Variants in KIAA1549L observed in about 807,000 individuals in gnomAD.
KIAA1549L encodes UPF0606 protein KIAA1549L.
Under a neutral mutation model 160.7 loss-of-function variants are expected in KIAA1549L, and 88 were observed. The ratio of observed to expected loss-of-function variants is 0.55; its 90% CI spans 0.46 to 0.65. The LOEUF (loss-of-function observed/expected upper bound fraction) is 0.65. KIAA1549L is among the 30% of genes least tolerant of loss of function. KIAA1549L has a pLI of 0.00. For missense variants in KIAA1549L, 2,258 were observed against 2,437.5 expected (o/e 0.93, Z 1.55); for synonymous variants, 950 against 976.7 (o/e 0.97, Z 0.51).
intron 1 of KIAA1549L, chr11:33,403,332 C>G (rs1406071090): frequency 5.8e-5 from 6 of 103,064 alleles, no homozygotes; most frequent in East Asian, 3.0e-4. Context: ...CACGGACACA[C>G]ACATGCAGAC....
In KIAA1549L at chr11:33,586,946, AG is replaced by A. The variant is rs369363167; in HGVS notation, c.4566+3448del. The stretch of plus-strand genomic sequence containing the variant: ...AATGAGGCTGAAACTGAGCCCCTTG[AG>A]GGTGAGGAACCAGTTATTTAACTTT... On this transcript the variant is annotated intron_variant, in intron 11 of 20. Coordinates refer to ENST00000658780, the MANE Select transcript of KIAA1549L (RefSeq NM_012194.3). Among the ~76,000 whole-genome samples the A allele has an allele frequency of 4.7e-3, 720 of 152,348 alleles. 3 individuals are homozygous for A. Among genetic ancestry groups the A allele is most frequent in the Middle Eastern group, 0.01 (3 of 294 alleles).
chr11:33,543,404 C>G lies in KIAA1549L; in HGVS notation c.1841C>G (p.Ala614Gly). Residue 614 changes from alanine (A) to glycine (G), a missense_variant, in exon 2 of 21, where the codon GCA becomes GGA. Coordinates refer to ENST00000658780, the MANE Select transcript of KIAA1549L (RefSeq NM_012194.3). ...AGTGTCTCATCTCCCATCATTACAG[C>G]ACCAAGGACGAATCCCCTTCCTTCA... ...TGSVSSPIIT[A>G]PRTNPLPSGP... 1 of 1,614,042 alleles carries G rather than the reference C, an allele frequency of 6.2e-7. No individual in the cohort carries two copies. The highest frequency in any genetic ancestry group is 8.5e-7 in the Non-Finnish European group (1 of 1,179,892).
At position 33,630,315 on chromosome 11, in the gene KIAA1549L, G is replaced by A. The variant is rs532240595; in HGVS notation, c.5409+11653G>A. ...AGCTGTGGTGGGCTCCACCCAGTTC[G>A]AGCTTCCCGGCTGCTTTGTTTACCT... is the stretch of plus-strand genomic sequence containing the variant. On this transcript the variant is annotated intron_variant, in intron 16 of 20. Coordinates refer to ENST00000658780, the MANE Select transcript of KIAA1549L (RefSeq NM_012194.3). Among the ~76,000 whole-genome samples the A allele has an allele frequency of 9.1e-3, 1,379 of 152,360 alleles. 11 individuals are homozygous for A. Among genetic ancestry groups the A allele is most frequent in the African/African-American group, 0.032 (1,326 of 41,588 alleles).
intron 15 of KIAA1549L, among the ~76,000 whole-genome samples, chr11:33,614,569 TATATATATATATA>T (rs1850750470): frequency 1.5e-4 from 3 of 20,398 alleles, no homozygotes; most frequent in African/African-American, 8.5e-4. Context: ...TATATATATA[TATATATATATATA>T]TATTTTTTTT....
At chr11:33,618,718 G>A in intron 16 of KIAA1549L, 56 bp downstream of exon 16, 1 of 1,426,226 alleles carries the variant, frequency 7.0e-7, no homozygotes, top group Non-Finnish European at 9.3e-7. Context: ...GAAGGCAAGG[G>A]GGATAGGGCA....
Position 33,554,297 on chromosome 11 carries a change from A to G in KIAA1549L, c.3855+2056A>G, listed in dbSNP as rs1350348345. Among the ~76,000 whole-genome samples the G allele has an allele frequency of 2.0e-5, 3 of 152,230 alleles. No homozygotes were observed. The East Asian group carries it at 5.8e-4, about 29-fold the overall frequency. On this transcript the variant is annotated intron_variant, in intron 6 of 20. Transcript: ENST00000658780. ...AATTTGCTCAGATAGTCATTGAAAA[A>G]TCGACTTAACAACTTGTATAGGTTT...
chr11:33,606,680 A>G lies in KIAA1549L; in HGVS notation c.4919A>G (p.Asp1640Gly). The change falls in exon 14 of 21, where the codon GAC (aspartate) becomes GGC (glycine). Residue 1640 changes from aspartate to glycine, a missense_variant. By Grantham distance (94) the Asp-to-Gly change is moderately conservative (BLOSUM62 -1). Coordinates refer to ENST00000658780, the MANE Select transcript of KIAA1549L (RefSeq NM_012194.3). ...GAAGAGGAGGGAGCGGTTCTATTTGACAACTCCAGCAAGGTGGCCGCTGAA... is the reference window on the plus strand; with the variant it reads ...GAAGAGGAGGGAGCGGTTCTATTTGGCAACTCCAGCAAGGTGGCCGCTGAA... Reference protein sequence around the residue: ...SDEEEGAVLFDNSSKVAAEPF... With the variant: ...SDEEEGAVLFGNSSKVAAEPF... The G allele has an allele frequency of 6.2e-7, 1 of 1,613,948 alleles. No homozygotes were observed.
At chr11:33,655,970 G>A (rs758317849) in intron 17 of KIAA1549L, 42 bp from the exon 18 acceptor site, 1 of 1,382,922 alleles carries the variant, frequency 7.2e-7, no homozygotes, top group South Asian at 1.2e-5. Flanking sequence ...GATCGACCCT[G>A]GGTGTTAACA....
At position 33,500,080 on chromosome 11, in the gene KIAA1549L, C is replaced by T. The variant is rs149587824; in HGVS notation, c.239-41722C>T. ...CACCTTAGTGTTCTGTTGCCTTCTACCTCTCACTCAACCTGCAGTAAGCAG... is the reference window on the plus strand; with the variant it reads ...CACCTTAGTGTTCTGTTGCCTTCTATCTCTCACTCAACCTGCAGTAAGCAG... On this transcript the variant is annotated intron_variant, in intron 1 of 20. Transcript: ENST00000658780. Among the ~76,000 whole-genome samples the T allele has an allele frequency of 2.4e-4, 37 of 152,282 alleles. 1 individual carries two copies. The highest frequency in any genetic ancestry group is 2.3e-3 in the East Asian group (12 of 5,184).
chr11:33,419,905 C>CATACATAT (rs1230090541), intron 1 of KIAA1549L, among the ~76,000 whole-genome samples: 11 of 53,516 alleles, frequency 2.1e-4, no homozygotes, highest in Non-Finnish European at 9.8e-5. Flanking sequence ...TACATACATA[C>CATACATAT]ATATATATAT....
At chr11:33,378,608 G>A (rs553431721) in intron 1 of KIAA1549L, among the ~76,000 whole-genome samples, 2 of 152,276 alleles carry the variant, frequency 1.3e-5, no homozygotes, top group East Asian at 1.9e-4. Flanking sequence ...AGTCCTCTCC[G>A]TCTTTCTCCA....
Position 33,376,121 on chromosome 11 carries a change from C to G in KIAA1549L, c.-531C>G, listed in dbSNP as rs1263897504. Among the ~76,000 whole-genome samples, 7 of 150,012 alleles carry G rather than the reference C, an allele frequency of 4.7e-5. No homozygotes were observed. The East Asian group carries it at 1.4e-3, about 29-fold the overall frequency. On this transcript the variant is annotated 5_prime_UTR_variant, in exon 1 of 21. Coordinates refer to ENST00000658780, the MANE Select transcript of KIAA1549L (RefSeq NM_012194.3). The surrounding 1 kb of genome is among the most constrained non-coding windows in gnomAD (Gnocchi z 5.8). ...CGTGCTTTCTTTGTCAATGAGGCGC[C>G]GCTCTGAGCTGCGGTAGCACTCGCG...
At chr11:33,429,080 T>G (rs1295926947) in intron 1 of KIAA1549L, among the ~76,000 whole-genome samples, 1 of 152,212 alleles carries the variant, frequency 6.6e-6, no homozygotes, top group East Asian at 1.9e-4. Context: ...CAAGCGATTC[T>G]CCTGCCTCAG....
chr11:33,543,785 C>A lies in KIAA1549L; in HGVS notation c.2222C>A (p.Thr741Lys), dbSNP rs750851144. 5 of 1,614,068 alleles carry A rather than the reference C, an allele frequency of 3.1e-6. No individual in the cohort carries two copies. In the Admixed American group the frequency reaches 8.3e-5, roughly 27 times the overall value. The change falls in exon 2 of 21, where the codon ACA becomes AAA. Residue 741 changes from threonine to lysine, a missense_variant. By Grantham distance (78) the Thr-to-Lys change is moderately conservative (BLOSUM62 -1). Around this residue, in one of 6 missense-constraint regions of KIAA1549L, gnomAD observed 287 missense variants for 292.3 expected, o/e 0.98. Transcript: ENST00000658780. ...AGTTGGGAAACTCATTTAGCTCCAA[C>A]AGCTCCTCCCAATGGTTTAACTTCA... Reference protein sequence around the residue: ...TTSWETHLAPTAPPNGLTSAA... With the variant: ...TTSWETHLAPKAPPNGLTSAA...
chr11:33,663,392 G>A (rs1852330466), intron 20 of KIAA1549L, among the ~76,000 whole-genome samples: 1 of 152,158 alleles, frequency 6.6e-6, no homozygotes, highest in African/African-American at 2.4e-5. Context: ...CTGAATTTTG[G>A]CAGGAAGGGC....
At chr11:33,408,402 A>G (rs1277864323) in intron 1 of KIAA1549L, among the ~76,000 whole-genome samples, 1 of 151,608 alleles carries the variant, frequency 6.6e-6, no homozygotes, top group Admixed American at 6.6e-5. Flanking sequence ...ATTCAGTGAT[A>G]TCTAATATCT....
intron 16 of KIAA1549L, among the ~76,000 whole-genome samples, chr11:33,622,643 C>T (rs530023207): frequency 2.5e-4 from 38 of 152,232 alleles, no homozygotes; most frequent in East Asian, 2.3e-3. Flanking sequence ...CCTCCTGGAA[C>T]GCCAGGAGAT....
chr11:33,445,682 A>G (rs1368934001), intron 1 of KIAA1549L, among the ~76,000 whole-genome samples: 1 of 152,216 alleles, frequency 6.6e-6, no homozygotes, highest in Non-Finnish European at 1.5e-5. Flanking sequence ...GACCTTGAGC[A>G]AGTTATTGAA....
At chr11:33,445,919 G>T (rs572843203) in intron 1 of KIAA1549L, among the ~76,000 whole-genome samples, 1 of 152,322 alleles carries the variant, frequency 6.6e-6, no homozygotes, top group African/African-American at 2.4e-5. Flanking sequence ...CACTGAATCT[G>T]TTGGTGCTTT....
Sources: gnomAD v4.1 joint callset for allele counts (sites outside exome capture counted in the v4.1 genomes callset) on GRCh38, gnomAD v4.1.1 for gene constraint, gnomAD v4.1.1 regional missense constraint, Gnocchi (gnomAD v3.1) non-coding constraint, MANE v1.5 for transcripts, NCBI Gene and HGNC (gene_info 2026-07-23, HGNC 2026-07-21) for gene names.